OCA2: variants seen among roughly 807,000 people sequenced by gnomAD.
OCA2 encodes the protein OCA2 melanosomal transmembrane protein.
A neutral mutation model predicts 100.2 loss-of-function variants in OCA2; 77 were observed. The ratio of observed to expected loss-of-function variants is 0.77; its 90% CI spans 0.64 to 0.93. OCA2 has a LOEUF of 0.93. Among genes scored for constraint, OCA2 ranks in the 40% least tolerant of loss-of-function variants. The probability of loss-of-function intolerance (pLI) is 0.00; values close to 1 mark genes in which losing one functional copy is unlikely to be tolerated. For missense variants in OCA2, 1,062 were observed against 1,089.1 expected (o/e 0.98, Z 0.35); for synonymous variants, 432 against 439.2 (o/e 0.98, Z 0.21).
At chr15:27,741,646 GA>G in the OCA2 span, among the ~76,000 whole-genome samples, 1 of 152,186 alleles carries the variant, frequency 6.6e-6, no homozygotes, top group African/African-American at 2.4e-5. Flanking sequence ...CCTTATCCCA[GA>G]TAAACAAGGG....
At chr15:28,046,163 A>G (rs1490882549) in intron 2 of OCA2, among the ~76,000 whole-genome samples, 1 of 152,136 alleles carries the variant, frequency 6.6e-6, no homozygotes, top group Non-Finnish European at 1.5e-5. Context: ...CACACTCCAG[A>G]TGGACTTTAC....
intron 19 of OCA2, among the ~76,000 whole-genome samples, chr15:27,921,395 T>C (rs1228562450): frequency 2.0e-5 from 3 of 151,466 alleles, no homozygotes; most frequent in African/African-American, 7.2e-5. Context: ...CATTCACACA[T>C]AAACAAAGAG....
intron 19 of OCA2, among the ~76,000 whole-genome samples, chr15:27,877,901 T>C (rs1567051914): frequency 6.6e-6 from 1 of 151,844 alleles, no homozygotes; most frequent in African/African-American, 2.4e-5. Flanking sequence ...TCTCTTTTTT[T>C]ATTCATTTCT....
chr15:27,935,055 GA>G (rs1179228196), intron 18 of OCA2, among the ~76,000 whole-genome samples: 1 of 152,160 alleles, frequency 6.6e-6, no homozygotes, highest in Non-Finnish European at 1.5e-5. Context: ...GCTCCTCAGG[GA>G]CACTGACAAA....
intron 22 of OCA2, among the ~76,000 whole-genome samples, chr15:27,848,784 T>C (rs1353053038): frequency 1.3e-5 from 2 of 152,250 alleles, no homozygotes; most frequent in African/African-American, 2.4e-5. Context: ...ACTCTATGCA[T>C]GGACATTCCC....
rs200633980 is a variant in OCA2 at position 27,954,116 on chromosome 15, T to TACACACACAC, written c.1842+1032_1842+1041dup. On this transcript the variant is annotated intron_variant, in intron 17 of 23. Transcript: ENST00000354638. ...TATGGCTGAGTAGTATTCCATGGCA[T>TACACACACAC]ACACACACACACACACACACACACA... Among the ~76,000 whole-genome samples the TACACACACAC allele has an allele frequency of 9.5e-3, 440 of 46,480 alleles. 2 individuals are homozygous for TACACACACAC. Among genetic ancestry groups the TACACACACAC allele is most frequent in the African/African-American group, 0.015 (409 of 27,436 alleles). 30.5% of individuals were successfully genotyped at this position (46,480 alleles called of 152,430 possible). A position where few individuals can be genotyped will look rare whatever the true frequency, so the allele number is the denominator to read the frequency against.
intron 2 of OCA2, among the ~76,000 whole-genome samples, chr15:28,053,098 G>A (rs1336475596): frequency 2.6e-5 from 4 of 152,194 alleles, no homozygotes; most frequent in Non-Finnish European, 5.9e-5. Flanking sequence ...GACTGGAAAG[G>A]CCATTCTGAT....
At chr15:28,090,641 G>A (rs1033191367) in intron 1 of OCA2, among the ~76,000 whole-genome samples, 2 of 152,142 alleles carry the variant, frequency 1.3e-5, no homozygotes, top group African/African-American at 4.8e-5. Context: ...ATATTGAACT[G>A]AATGAAAGTG....
the OCA2 span, among the ~76,000 whole-genome samples, chr15:27,730,732 A>AATATATATATATATATAT: frequency 2.9e-5 from 3 of 102,008 alleles, no homozygotes; most frequent in Admixed American, 1.3e-4. Context: ...AAAAAGACCA[A>AATATATATATATATATAT]ATATATATAT....
chr15:28,037,862 G>A (rs2043089706), intron 2 of OCA2, among the ~76,000 whole-genome samples: 1 of 152,172 alleles, frequency 6.6e-6, no homozygotes, highest in Non-Finnish European at 1.5e-5. Flanking sequence ...TGAGGATTGT[G>A]CCAGGCATGG....
intron 18 of OCA2, among the ~76,000 whole-genome samples, chr15:27,941,969 G>A (rs998827291): frequency 1.3e-5 from 2 of 152,084 alleles, no homozygotes; most frequent in Non-Finnish European, 2.9e-5. Flanking sequence ...ACCACTTCAC[G>A]CCTGGTATGA....
chr15:28,040,991 C>T (rs1353922417), intron 2 of OCA2, among the ~76,000 whole-genome samples: 4 of 152,094 alleles, frequency 2.6e-5, no homozygotes, highest in African/African-American at 7.2e-5. Flanking sequence ...GACCTAACTT[C>T]CTAACTTATT....
intron 19 of OCA2, among the ~76,000 whole-genome samples, chr15:27,880,966 C>T (rs1221308769): frequency 1.3e-5 from 2 of 152,042 alleles, no homozygotes; most frequent in African/African-American, 4.8e-5. Flanking sequence ...AGCTTTTGCC[C>T]CTTGTCTAGT....
chr15:27,882,865 C>T (rs1381193483), intron 19 of OCA2, among the ~76,000 whole-genome samples: 1 of 152,190 alleles, frequency 6.6e-6, no homozygotes, highest in Non-Finnish European at 1.5e-5. Flanking sequence ...CAGTTCGGTT[C>T]TCTAAGCCTT....
intron 9 of OCA2, among the ~76,000 whole-genome samples, chr15:27,994,767 A>G (rs1296807889): frequency 6.6e-6 from 1 of 152,198 alleles, no homozygotes; most frequent in African/African-American, 2.4e-5. Flanking sequence ...GAAAGGAAAG[A>G]GTTTGGGGGC....
At chr15:27,958,176 T>C (rs550389790) in intron 15 of OCA2, among the ~76,000 whole-genome samples, 19 of 152,310 alleles carry the variant, frequency 1.2e-4, no homozygotes, top group African/African-American at 4.6e-4. Context: ...GTTGTGCACA[T>C]GTACCCTAGA....
chr15:27,985,300 T>C, intron 12 of OCA2, 112 bp from the exon 13 acceptor site: 1 of 1,312,732 alleles, frequency 7.6e-7, no homozygotes, highest in Non-Finnish European at 1.1e-6. Flanking sequence ...CATTACCCCA[T>C]GGGTTAAGAC....
downstream of OCA2, among the ~76,000 whole-genome samples, chr15:27,754,176 G>A (rs58880751): frequency 0.03 from 4,499 of 152,236 alleles, 226 homozygotes; most frequent in African/African-American, 0.1. Flanking sequence ...ACGGTTGCAC[G>A]TCAGCTTTGC....
the OCA2 span, among the ~76,000 whole-genome samples, chr15:27,731,968 C>T: frequency 7.2e-5 from 11 of 152,168 alleles, no homozygotes; most frequent in Non-Finnish European, 1.0e-4. Context: ...AGCTTTCAGG[C>T]GAGACCCCTG....
Sources: allele counts gnomAD v4.1 joint callset (sites outside exome capture counted in the v4.1 genomes callset), GRCh38; gene constraint gnomAD v4.1.1; transcripts MANE v1.5; gene names NCBI Gene and HGNC (gene_info 2026-07-23, HGNC 2026-07-21).